FRMPD4: variants seen among roughly 807,000 people sequenced by gnomAD.
FRMPD4 encodes the protein FERM and PDZ domain containing 4, also known as FERM and PDZ domain-containing protein 4.
In FRMPD4, 22 loss-of-function variants were observed where a neutral mutation model predicts 94.1. That is an observed-to-expected ratio of 0.23 (90% CI 0.17 to 0.33). FRMPD4 has a LOEUF of 0.33. FRMPD4 is among the 10% of genes least tolerant of loss of function. The pLI, the probability that FRMPD4 is intolerant of heterozygous loss-of-function variation, is 1.00. For missense variants in FRMPD4, 1,111 were observed against 1,339.9 expected, an observed-to-expected ratio of 0.83 and a Z score of 2.67; for synonymous variants, 631 against 548.6, an observed-to-expected ratio of 1.15 and a Z score of -2.10.
At chrX:12,434,593 T>C (rs1050969032) in intron 1 of FRMPD4, among the ~76,000 whole-genome samples, 2 of 112,682 alleles carry the variant, frequency 1.8e-5, no homozygotes, top group Non-Finnish European at 3.7e-5. Flanking sequence ...TGCCCTTTCT[T>C]CAACCAGCCT....
At chrX:12,373,259 A>G (rs963754900) in intron 1 of FRMPD4, 2 of 112,434 alleles carry the variant, frequency 1.8e-5, no homozygotes, top group African/African-American at 6.5e-5. Context: ...GAAATAATTC[A>G]TTCTGCAGAG....
At chrX:12,413,288 G>C (rs369004557) in intron 1 of FRMPD4, among the ~76,000 whole-genome samples, 1 of 111,789 alleles carries the variant, frequency 8.9e-6, no homozygotes, top group African/African-American at 3.3e-5. Flanking sequence ...GCAGGATTAA[G>C]CTCCAGTCAC....
At chrX:12,382,696 C>G (rs759891866) in intron 1 of FRMPD4, among the ~76,000 whole-genome samples, 76 of 111,881 alleles carry the variant, frequency 6.8e-4, no homozygotes, top group African/African-American at 2.3e-3. Context: ...TGGGGAATGA[C>G]TTGCCCAGCA....
chrX:12,178,077 C>T (rs1300654273), intron 1 of FRMPD4, among the ~76,000 whole-genome samples: 3 of 111,002 alleles, frequency 2.7e-5, no homozygotes, highest in Non-Finnish European at 5.7e-5. Flanking sequence ...GTGATTAGGT[C>T]ATGAGGGCTC....
chrX:12,423,760 A>T (rs2056913693), intron 1 of FRMPD4, among the ~76,000 whole-genome samples: 1 of 112,209 alleles, frequency 8.9e-6, no homozygotes, highest in Non-Finnish European at 1.9e-5. Flanking sequence ...AACCTTATGC[A>T]TTGAACTTTT....
chrX:12,375,153 T>G (rs180961709), intron 1 of FRMPD4: 1 of 112,759 alleles, frequency 8.9e-6, no homozygotes, highest in Non-Finnish European at 1.9e-5. Flanking sequence ...ATGGAAACAG[T>G]CTGTAAAGCA....
intron 2 of FRMPD4, among the ~76,000 whole-genome samples, chrX:12,524,413 A>G (rs1179314776): frequency 8.9e-6 from 1 of 111,735 alleles, no homozygotes; most frequent in African/African-American, 3.3e-5. Flanking sequence ...GCTCAGTCCA[A>G]AACAATGGCC....
At chrX:11,975,174 A>G (rs901430279) in intron 3 of FRMPD4, among the ~76,000 whole-genome samples, 1 of 112,182 alleles carries the variant, frequency 8.9e-6, no homozygotes, top group Non-Finnish European at 1.9e-5. Flanking sequence ...GAGGGCAGAG[A>G]CTTACAGAGA....
At chrX:12,522,222 T>C (rs950364634) in intron 2 of FRMPD4, among the ~76,000 whole-genome samples, 12 of 111,990 alleles carry the variant, frequency 1.1e-4, no homozygotes, top group African/African-American at 3.9e-4. Flanking sequence ...TGTGCTAAGT[T>C]TCAAGGTTCT....
intron 1 of FRMPD4, among the ~76,000 whole-genome samples, chrX:12,356,972 GT>G (rs970646789): frequency 1.8e-5 from 2 of 112,184 alleles, no homozygotes; most frequent in African/African-American, 6.5e-5. Context: ...TGAAATGATT[GT>G]TTTGAAATCA....
intron 11 of FRMPD4, among the ~76,000 whole-genome samples, chrX:12,704,918 G>A (rs768631652): frequency 6.7e-4 from 75 of 112,510 alleles, no homozygotes; most frequent in African/African-American, 2.2e-3. Context: ...CAACTGTGGC[G>A]TAATTGACAT....
At chrX:12,399,482 T>C (rs1199051292) in intron 1 of FRMPD4, among the ~76,000 whole-genome samples, 2 of 111,763 alleles carry the variant, frequency 1.8e-5, no homozygotes, top group Non-Finnish European at 3.8e-5. Context: ...TTATACCTTT[T>C]GACACCCTCA....
At chrX:11,887,828 C>T (rs972032831) in intron 3 of FRMPD4, among the ~76,000 whole-genome samples, 2 of 111,894 alleles carry the variant, frequency 1.8e-5, no homozygotes, top group Admixed American at 9.5e-5. Flanking sequence ...TCTGAGGGCT[C>T]ACATTACCAG....
chrX:12,022,625 A>G (rs1390913151), intron 3 of FRMPD4, among the ~76,000 whole-genome samples: 2 of 111,409 alleles, frequency 1.8e-5, no homozygotes, highest in African/African-American at 3.3e-5. Flanking sequence ...CTCCATGCTC[A>G]TCTCTCTTCG....
rs1381722501 is a variant in FRMPD4, at chrX:12,721,642, A to G, written c.5073A>G (p.Leu1691=). Residue 1691 remains leucine (L), a synonymous_variant, in exon 17 of 17, where the codon TTA becomes TTG. Transcript: ENST00000675598. ...LCCLTEACMR[L]VKVVNSETQR... ...GCCTAACAGAAGCTTGCATGCGATT[A>G]GTTAAAGTCGTGAACTCAGAAACAC... The G allele has an allele frequency of 1.3e-6, 1 of 751,998 alleles. No individual in the cohort carries two copies. The highest frequency in any genetic ancestry group is 1.6e-6 in the Non-Finnish European group (1 of 636,822). The allele number at this position is 751,998 out of a possible 1,213,427, so 62.0% of individuals were successfully genotyped here.
intron 5 of FRMPD4, among the ~76,000 whole-genome samples, chrX:12,679,643 T>C (rs1007592520): frequency 3.6e-5 from 4 of 110,972 alleles, no homozygotes; most frequent in Non-Finnish European, 3.8e-5. Context: ...AGCAGGAAAA[T>C]TTGAATTTTG....
At chrX:12,318,724 A>G (rs1480963027) in intron 1 of FRMPD4, among the ~76,000 whole-genome samples, 1 of 111,169 alleles carries the variant, frequency 9.0e-6, no homozygotes, top group African/African-American at 3.3e-5. Context: ...TAGGGTGTCT[A>G]TAGTTAACAA....
chrX:11,950,164 G>A (rs778826364), intron 3 of FRMPD4, among the ~76,000 whole-genome samples: 3 of 111,516 alleles, frequency 2.7e-5, no homozygotes, highest in Non-Finnish European at 3.8e-5. Flanking sequence ...TTTTATAACT[G>A]TCTGGCATTT....
chrX:12,481,345 G>A (rs187170314), intron 1 of FRMPD4, among the ~76,000 whole-genome samples: 82 of 111,240 alleles, frequency 7.4e-4, no homozygotes, highest in African/African-American at 2.6e-3. Flanking sequence ...CCTATTTTAC[G>A]AAGTGTCCAA....
Sources: allele counts gnomAD v4.1 joint callset (sites outside exome capture counted in the v4.1 genomes callset), GRCh38; gene constraint gnomAD v4.1.1; transcripts MANE v1.5; gene names NCBI Gene and HGNC (gene_info 2026-07-23, HGNC 2026-07-21).